SSPN: variants seen among roughly 807,000 people sequenced by gnomAD.
SSPN encodes sarcospan, also known as K-ras oncogene-associated protein.
A neutral mutation model predicts 19.1 loss-of-function variants in SSPN; 15 were observed. The ratio of observed to expected loss-of-function variants is 0.78; its 90% confidence interval spans 0.52 to 1.21. SSPN has a LOEUF of 1.21. SSPN is among the 50% of genes most tolerant of loss of function. The pLI is 0.00. For missense variants in SSPN, 291 were observed against 314.0 expected (o/e 0.93, Z 0.55); for synonymous variants, 147 against 140.3 (o/e 1.05, Z -0.34).
At chr12:26,224,954 G>A in intron 2 of SSPN, among the ~76,000 whole-genome samples, 1 of 152,064 alleles carries the variant, frequency 6.6e-6, no homozygotes, top group East Asian at 1.9e-4. Flanking sequence ...CAAGTACACA[G>A]CATTTTCACT....
At chr12:26,175,636 G>T (rs1462029062) in intron 1 of SSPN, among the ~76,000 whole-genome samples, 2 of 151,944 alleles carry the variant, frequency 1.3e-5, no homozygotes. Context: ...GAAAAGCTGA[G>T]GTGATGCCAA....
chr12:26,123,681 A>G, intron 1 of SSPN: 1 of 1,614,176 alleles, frequency 6.2e-7, no homozygotes, highest in Non-Finnish European at 8.5e-7. Flanking sequence ...AAGGCGGTTA[A>G]AGCTTTTAAG....
At chr12:26,162,923 A>G (rs1301995399) in intron 1 of SSPN, among the ~76,000 whole-genome samples, 1 of 152,152 alleles carries the variant, frequency 6.6e-6, no homozygotes, top group Non-Finnish European at 1.5e-5. Flanking sequence ...TACCCAAATT[A>G]AGTTGATGAA....
At chr12:26,134,819 C>T (rs1944415894) in intron 1 of SSPN, 1 of 152,026 alleles carries the variant, frequency 6.6e-6, no homozygotes, top group Non-Finnish European at 1.5e-5. Context: ...CTTTACCAGG[C>T]ACATGGAGAT....
At chr12:26,141,145 T>G (rs910879449) in intron 1 of SSPN, among the ~76,000 whole-genome samples, 8 of 152,188 alleles carry the variant, frequency 5.3e-5, no homozygotes, top group African/African-American at 1.9e-4. Flanking sequence ...GGAGAGATTA[T>G]CCAGGATTAT....
upstream of SSPN, among the ~76,000 whole-genome samples, chr12:26,191,780 C>T (rs536880910): frequency 3.0e-4 from 45 of 152,148 alleles, no homozygotes; most frequent in African/African-American, 9.9e-4. Flanking sequence ...GCCAGCAAGG[C>T]ATATGGGGGC....
At chr12:26,223,165 A>T (rs1945140239) in intron 1 of SSPN, among the ~76,000 whole-genome samples, 1 of 152,128 alleles carries the variant, frequency 6.6e-6, no homozygotes, top group Non-Finnish European at 1.5e-5. Context: ...TACTTACTAA[A>T]TCCATCCCGT....
At chr12:26,208,018 T>TGGGG (rs57868336) in intron 1 of SSPN, among the ~76,000 whole-genome samples, 1 of 134,796 alleles carries the variant, frequency 7.4e-6, no homozygotes, top group Non-Finnish European at 1.6e-5. Flanking sequence ...GTGGTGGTGG[T>TGGGG]GGGGGGGGGG....
chr12:26,143,712 G>A (rs1305132834), intron 1 of SSPN, among the ~76,000 whole-genome samples: 2 of 152,168 alleles, frequency 1.3e-5, no homozygotes, highest in Non-Finnish European at 2.9e-5. Context: ...GAAACAAATA[G>A]TTACATTTTT....
chr12:26,182,985 C>G (rs1004231973), intron 1 of SSPN, among the ~76,000 whole-genome samples: 1 of 152,084 alleles, frequency 6.6e-6, no homozygotes, highest in South Asian at 2.1e-4. Flanking sequence ...AGGCTAGTCT[C>G]AAACTCTTGA....
chr12:26,188,294 C>T (rs1471558074), intron 1 of SSPN, among the ~76,000 whole-genome samples: 3 of 152,026 alleles, frequency 2.0e-5, no homozygotes, highest in African/African-American at 7.3e-5. Context: ...GAACACGACC[C>T]ACAAGGCTTT....
At chr12:26,142,010 G>A (rs1944463406) in intron 1 of SSPN, among the ~76,000 whole-genome samples, 1 of 152,158 alleles carries the variant, frequency 6.6e-6, no homozygotes. Context: ...AAGTAGGAAA[G>A]CAAAAGCCTG....
At chr12:26,197,405 C>G (rs1001835394) in intron 1 of SSPN, among the ~76,000 whole-genome samples, 3 of 152,162 alleles carry the variant, frequency 2.0e-5, no homozygotes, top group African/African-American at 7.2e-5. Flanking sequence ...GTAAGATATA[C>G]TGGGTATTTC....
intron 1 of SSPN, among the ~76,000 whole-genome samples, chr12:26,148,990 TC>T (rs1944509322): frequency 6.6e-6 from 1 of 152,234 alleles, no homozygotes; most frequent in African/African-American, 2.4e-5. Context: ...CACACATTAT[TC>T]CTGTTTAAGG....
Position 26,169,453 on chromosome 12 carries a change from T to C in SSPN, c.-31+47301T>C, listed in dbSNP as rs115788972. 7.1e-3 allele frequency among the ~76,000 whole-genome samples: 1,085 copies of C among 152,246 alleles called. 13 individuals are homozygous for C. Among genetic ancestry groups the C allele is most frequent in the African/African-American group, 0.025 (1,040 of 41,538 alleles). On this transcript the variant is annotated intron_variant, in intron 1 of 2. Transcript: ENST00000538142. ...ACAAAGGGATAGGAGGCTTAGTATTTAGCCTCTGATATCAAAATAGGATTT... is the reference window on the plus strand; with the variant it reads ...ACAAAGGGATAGGAGGCTTAGTATTCAGCCTCTGATATCAAAATAGGATTT...
intron 1 of SSPN, chr12:26,123,687 T>A (rs1417219953): frequency 6.2e-7 from 1 of 1,614,090 alleles, no homozygotes; most frequent in African/African-American, 1.3e-5. Flanking sequence ...GTTAAAGCTT[T>A]TAAGTGTTTC....
At chr12:26,127,069 G>A (rs1944371060) in intron 1 of SSPN, among the ~76,000 whole-genome samples, 1 of 152,078 alleles carries the variant, frequency 6.6e-6, no homozygotes, top group African/African-American at 2.4e-5. Flanking sequence ...GCCGTTAGGT[G>A]AATAATTTAA....
chr12:26,128,946 G>A (rs1157288023), intron 1 of SSPN, among the ~76,000 whole-genome samples: 3 of 152,158 alleles, frequency 2.0e-5, no homozygotes, highest in Non-Finnish European at 4.4e-5. Flanking sequence ...TTCACCCTGT[G>A]ACTTTAGAAG....
At chr12:26,189,558 C>T (rs374632903) in intron 1 of SSPN, among the ~76,000 whole-genome samples, 50 of 152,206 alleles carry the variant, frequency 3.3e-4, no homozygotes, top group African/African-American at 1.1e-3. Context: ...CACTTTCTGC[C>T]TCAGCACACA....
Sources: allele counts gnomAD v4.1 joint callset (sites outside exome capture counted in the v4.1 genomes callset), GRCh38; gene constraint gnomAD v4.1.1; transcripts MANE v1.5; gene names NCBI Gene and HGNC (gene_info 2026-07-23, HGNC 2026-07-21).